The following KLF12 variants were observed in gnomAD, a reference collection of about 807,000 sequenced individuals.
KLF12 encodes KLF transcription factor 12.
A neutral mutation model predicts 37.8 loss-of-function variants in KLF12; 9 were observed. The ratio of observed to expected loss-of-function variants is 0.24; its 90% CI spans 0.14 to 0.42. The LOEUF is 0.42. Ranked by LOEUF, KLF12 falls within the 10% of genes least tolerant of loss-of-function variation. The pLI is 1.00. For synonymous variants in KLF12, 208 were observed against 202.1 expected, an observed-to-expected ratio of 1.03 and a Z score of -0.25; for missense variants, 411 against 516.0, an observed-to-expected ratio of 0.80 and a Z score of 1.97.
chr13:74,295,981 A>ATT, the KLF12 span, among the ~76,000 whole-genome samples: 1 of 145,096 alleles, frequency 6.9e-6, no homozygotes, highest in Non-Finnish European at 1.5e-5. Flanking sequence ...GACCAACCAA[A>ATT]TTTTTTTTTT....
At chr13:74,012,284 A>C (rs1169018421) in intron 1 of KLF12, among the ~76,000 whole-genome samples, 2 of 152,164 alleles carry the variant, frequency 1.3e-5, no homozygotes, top group Non-Finnish European at 2.9e-5. Flanking sequence ...CTTCCAAAGC[A>C]CAGTCATTCG....
chr13:74,183,636 T>A, the KLF12 span, among the ~76,000 whole-genome samples: 2 of 152,028 alleles, frequency 1.3e-5, no homozygotes, highest in Non-Finnish European at 2.9e-5. Flanking sequence ...TTAGAAAAAC[T>A]CTCAAAGATT....
chr13:74,171,995 A>G, the KLF12 span, among the ~76,000 whole-genome samples: 19 of 152,234 alleles, frequency 1.2e-4, no homozygotes, highest in South Asian at 2.1e-4. Context: ...AGGCTAAGAC[A>G]GTAGGTTTTA....
At chr13:73,742,792 GAGA>G (rs1271814650) in intron 6 of KLF12, among the ~76,000 whole-genome samples, 3 of 152,276 alleles carry the variant, frequency 2.0e-5, no homozygotes, top group East Asian at 3.9e-4. Flanking sequence ...GCACAGTGCT[GAGA>G]AGATGAAATG....
intron 5 of KLF12, among the ~76,000 whole-genome samples, chr13:73,769,739 T>C (rs1880150480): frequency 6.6e-6 from 1 of 152,192 alleles, no homozygotes; most frequent in Non-Finnish European, 1.5e-5. Context: ...ATCTTCTCAA[T>C]TTCAAAAATG....
At chr13:74,072,382 T>TATAA (rs1555269610) in intron 1 of KLF12, among the ~76,000 whole-genome samples, 3 of 120,446 alleles carry the variant, frequency 2.5e-5, no homozygotes, top group African/African-American at 9.8e-5. Flanking sequence ...TATATATATA[T>TATAA]ATATATATAT....
chr13:74,062,156 C>T (rs974311991), intron 1 of KLF12, among the ~76,000 whole-genome samples: 1 of 152,168 alleles, frequency 6.6e-6, no homozygotes, highest in African/African-American at 2.4e-5. Flanking sequence ...CCTGAGTGCA[C>T]CCATGTTAAA....
Position 73,967,410 on chromosome 13 carries a change from G to C in KLF12, c.34-23340C>G, listed in dbSNP as rs1036608644. 6.6e-5 allele frequency among the ~76,000 whole-genome samples: 10 copies of C among 152,270 alleles called. No homozygotes were observed. The South Asian group carries it at 1.2e-3, about 19-fold the overall frequency. ...AATACAGTGGATGATGTGTAAATGA[G>C]AGTCTAAGGGACCCAGCTCCAAGAC... On this transcript the variant is annotated intron_variant, in intron 2 of 7. Transcript: ENST00000377669.
chr13:73,946,621 C>T (rs1415350941), intron 2 of KLF12, among the ~76,000 whole-genome samples: 1 of 152,072 alleles, frequency 6.6e-6, no homozygotes, highest in Non-Finnish European at 1.5e-5. Flanking sequence ...TTTAAGAAAT[C>T]AAGATTTCCT....
chr13:74,020,661 C>T (rs1250823238), intron 1 of KLF12, among the ~76,000 whole-genome samples: 3 of 151,910 alleles, frequency 2.0e-5, no homozygotes, highest in East Asian at 1.9e-4. Context: ...GAGGCCGAGG[C>T]GGGTGGATCA....
At chr13:74,136,965 G>C (rs527922110), upstream of KLF12, among the ~76,000 whole-genome samples, 46 of 152,254 alleles carry the variant, frequency 3.0e-4, no homozygotes, top group African/African-American at 1.1e-3. Context: ...GTGTAAAAGA[G>C]CAAAAACATT....
chr13:73,802,538 T>A (rs1247203696), intron 5 of KLF12, among the ~76,000 whole-genome samples: 2 of 152,178 alleles, frequency 1.3e-5, no homozygotes, highest in Non-Finnish European at 2.9e-5. Context: ...TACTGTGTGA[T>A]GCTGAGGTTT....
At chr13:74,288,088 A>G in the KLF12 span, among the ~76,000 whole-genome samples, 3 of 151,468 alleles carry the variant, frequency 2.0e-5, no homozygotes, top group Admixed American at 2.0e-4. Flanking sequence ...GGAAAAAAAA[A>G]CTGGGGAGAA....
At chr13:74,208,775 G>A in the KLF12 span, among the ~76,000 whole-genome samples, 6 of 152,080 alleles carry the variant, frequency 3.9e-5, no homozygotes, top group Non-Finnish European at 8.8e-5. Context: ...AGGAGTTTGA[G>A]GCAGCTTGGG....
rs117637862 is a variant in KLF12, at chr13:74,103,936, C to T, written c.-32+29803G>A. 3.2e-3 allele frequency among the ~76,000 whole-genome samples: 487 copies of T among 152,144 alleles called. 1 individual carries two copies. Among genetic ancestry groups the T allele is most frequent in the Non-Finnish European group, 4.6e-3 (316 of 67,978 alleles). On this transcript the variant is annotated intron_variant, in intron 1 of 7. Coordinates refer to ENST00000377669, the MANE Select transcript of KLF12 (RefSeq NM_007249.5). ...TAGAAGTCTATGGGGTTAAGTAAAG[C>T]CTGATATTGTAATAGATCCTGAAAA...
chr13:73,899,230 T>C (rs538452050), intron 3 of KLF12, among the ~76,000 whole-genome samples: 2 of 152,254 alleles, frequency 1.3e-5, no homozygotes, highest in South Asian at 4.2e-4. Flanking sequence ...ATGATCTATA[T>C]GGGAAACACC....
chr13:74,020,963 G>C (rs1019663214), intron 1 of KLF12, among the ~76,000 whole-genome samples: 4 of 151,664 alleles, frequency 2.6e-5, no homozygotes, highest in Admixed American at 6.6e-5. Context: ...CTGAAAAAAG[G>C]ACTGACAAGT....
chr13:74,294,863 C>T, the KLF12 span, among the ~76,000 whole-genome samples: 1 of 152,178 alleles, frequency 6.6e-6, no homozygotes, highest in Non-Finnish European at 1.5e-5. Flanking sequence ...CTCCCAAGCC[C>T]CAGCTGCACC....
chr13:73,885,258 A>G (rs7999645), intron 3 of KLF12, among the ~76,000 whole-genome samples: 22,248 of 152,154 alleles, frequency 0.15, 2,454 homozygotes, highest in African/African-American at 0.31. Flanking sequence ...TCCCCCTGTC[A>G]TTTTTGCATC....
Sources: gnomAD v4.1 joint callset for allele counts (sites outside exome capture counted in the v4.1 genomes callset) on GRCh38, gnomAD v4.1.1 for gene constraint, MANE v1.5 for transcripts, NCBI Gene and HGNC (gene_info 2026-07-23, HGNC 2026-07-21) for gene names.